The following TANGO2 variants were observed in gnomAD, a reference collection of about 807,000 sequenced individuals.
TANGO2 encodes transport and golgi organization 2 homolog, also known as transport and Golgi organization protein 2 homolog.
A neutral mutation model predicts 39.1 loss-of-function variants in TANGO2; 26 were observed. That is an observed-to-expected ratio of 0.67 (90% confidence interval 0.49 to 0.92). The LOEUF (loss-of-function observed/expected upper bound fraction) is 0.92. Among genes scored for constraint, TANGO2 ranks in the 40% least tolerant of loss-of-function variants. The pLI is 0.00. For synonymous variants in TANGO2, 131 were observed against 144.5 expected (o/e 0.91, Z 0.67); for missense variants, 326 against 360.1 (o/e 0.91, Z 0.77).
chr22:20,052,898 A>G (rs1021214196), intron 4 of TANGO2, among the ~76,000 whole-genome samples: 4 of 152,148 alleles, frequency 2.6e-5, no homozygotes, highest in African/African-American at 9.7e-5. Context: ...CACTGCCGCC[A>G]CTGAGGTGTG....
chr22:20,034,270 C>T (rs2042428470), intron 1 of TANGO2, among the ~76,000 whole-genome samples: 1 of 152,196 alleles, frequency 6.6e-6, no homozygotes, highest in East Asian at 1.9e-4. Context: ...ACTTCCTTTG[C>T]CCTGCAGATG....
chr22:20,017,116 G>A (rs529755062), upstream of TANGO2: 3 of 152,332 alleles, frequency 2.0e-5, no homozygotes, highest in Admixed American at 6.5e-5. Flanking sequence ...ATCCAGCCCC[G>A]AGCAGGGACT....
At chr22:20,052,318 TG>T in intron 3 of TANGO2, 146 bp from the exon 4 acceptor site, 1 of 1,204,510 alleles carries the variant, frequency 8.3e-7, no homozygotes, top group Non-Finnish European at 1.2e-6. Context: ...ATTCCATAGC[TG>T]GGGCTGCTGG....
intron 3 of TANGO2, among the ~76,000 whole-genome samples, chr22:20,044,527 T>C (rs1352575434): frequency 6.7e-6 from 1 of 148,878 alleles, no homozygotes; most frequent in African/African-American, 2.6e-5. Context: ...CCCTGTCTCA[T>C]TCAATCAGTC....
intron 3 of TANGO2, among the ~76,000 whole-genome samples, chr22:20,051,067 G>T (rs1453114496): frequency 6.7e-6 from 1 of 150,310 alleles, no homozygotes; most frequent in African/African-American, 2.4e-5. Context: ...CTCCATGTTG[G>T]TCAGGCTGGT....
In TANGO2 at chr22:20,055,881, G is replaced by A. The variant is rs186878126; in HGVS notation, c.381-62G>A. ...CCAGAAACAGGGCTGTGAGATCACC[G>A]GGCAGTGTCGGGGAGGACGCCCTAT... On this transcript the variant is annotated intron_variant, in intron 5 of 8. Coordinates refer to ENST00000327374, the MANE Select transcript of TANGO2 (RefSeq NM_152906.7). 5.5e-5 allele frequency: 77 copies of A among 1,402,510 alleles called. 1 individual carries two copies. The highest frequency in any genetic ancestry group is 2.5e-4 in the Admixed American group (15 of 59,084). 86.9% of individuals were successfully genotyped at this position (1,402,510 alleles called of 1,614,324 possible). A position where few individuals can be genotyped will look rare whatever the true frequency, so the allele number is the denominator to read the frequency against.
chr22:20,018,818 G>A (rs1945387721), upstream of TANGO2, among the ~76,000 whole-genome samples: 1 of 152,200 alleles, frequency 6.6e-6, no homozygotes, highest in South Asian at 2.1e-4. Context: ...AGTGGCTCAT[G>A]CCTGTAATCC....
At chr22:20,037,000 C>A in intron 2 of TANGO2, 146 bp downstream of exon 2, 8 of 1,596,044 alleles carry the variant, frequency 5.0e-6, no homozygotes, top group Non-Finnish European at 6.8e-6. Flanking sequence ...AGGACAGGGT[C>A]ACTCAGTGTG....
At chr22:20,020,722 C>G (rs1391954768), upstream of TANGO2, among the ~76,000 whole-genome samples, 1 of 152,042 alleles carries the variant, frequency 6.6e-6, no homozygotes, top group African/African-American at 2.4e-5. Context: ...AGGACGCAGT[C>G]TGAGGGGGCC....
rs751098098 is a variant in TANGO2, at chr22:20,061,550, G to A, written c.472G>A (p.Ala158Thr). Reference protein sequence around the residue: ...LTPGTYGLSNALLETPWRKLC... With the variant: ...LTPGTYGLSNTLLETPWRKLC... ...CACAGGCACCTACGGGCTGAGCAAC[G>A]CGCTGCTGGAGACTCCCTGGAGGAA... The change falls in exon 7 of 9, where the codon GCG (alanine) becomes ACG (threonine). Residue 158 changes from alanine (A) to threonine (T), a missense_variant. Coordinates refer to ENST00000327374, the MANE Select transcript of TANGO2 (RefSeq NM_152906.7). 1 of 1,606,556 alleles carries A rather than the reference G, an allele frequency of 6.2e-7. No individual in the cohort carries two copies. Among genetic ancestry groups the A allele is most frequent in the Non-Finnish European group, 8.5e-7 (1 of 1,177,158 alleles).
upstream of TANGO2, among the ~76,000 whole-genome samples, chr22:20,020,096 C>T (rs5746851): frequency 0.4 from 60,507 of 152,162 alleles, 12,546 homozygotes; most frequent in African/African-American, 0.52. Context: ...CAGGTTGAAG[C>T]TAATGTGGCC....
chr22:20,050,247 G>A (rs1233874620), intron 3 of TANGO2, among the ~76,000 whole-genome samples: 1 of 151,638 alleles, frequency 6.6e-6, no homozygotes. Context: ...GAATCTTTCA[G>A]TGAATATGCA....
upstream of TANGO2, chr22:20,020,919 G>GAAGCTTTGGCGCAGCCCC (rs1211333948): frequency 6.6e-6 from 1 of 152,252 alleles, no homozygotes. Flanking sequence ...CGCGCAGCCC[G>GAAGCTTTGGCGCAGCCCC]AAGCTTTGGC....
chr22:20,031,477 C>T (rs2041856594), intron 1 of TANGO2, among the ~76,000 whole-genome samples: 2 of 152,224 alleles, frequency 1.3e-5, no homozygotes, highest in African/African-American at 4.8e-5. Flanking sequence ...ATTTGCCCAC[C>T]TCACAGGCTC....
intron 4 of TANGO2, chr22:20,053,221 A>ATT: frequency 8.5e-6 from 4 of 469,348 alleles, no homozygotes; most frequent in Admixed American, 3.6e-5. Context: ...TAGTGGGGAA[A>ATT]TTTTTTTTTT....
At chr22:20,027,703 G>A (rs1209445104) in intron 1 of TANGO2, among the ~76,000 whole-genome samples, 1 of 152,118 alleles carries the variant, frequency 6.6e-6, no homozygotes, top group African/African-American at 2.4e-5. Flanking sequence ...AAACTCCTGG[G>A]CTCGAGCAAT....
At position 20,052,335 on chromosome 22, in the gene TANGO2, G is replaced by A. The variant is rs889098944; in HGVS notation, c.146-130G>A. On this transcript the variant is annotated intron_variant, in intron 3 of 8. Coordinates refer to ENST00000327374, the MANE Select transcript of TANGO2 (RefSeq NM_152906.7). ...TCCATAGCTGGGGCTGCTGGGCCAA[G>A]CCGCATGTCGAACGTCCTCGAGGAG... 16 of 1,360,346 alleles carry A rather than the reference G, an allele frequency of 1.2e-5. No individual in the cohort carries two copies. In the Admixed American group the frequency reaches 3.2e-4, roughly 27 times the overall value. 84.3% of individuals were successfully genotyped at this position (1,360,346 alleles called of 1,614,324 possible).
chr22:20,041,853 A>C (rs1313736139), intron 2 of TANGO2, among the ~76,000 whole-genome samples: 1 of 151,698 alleles, frequency 6.6e-6, no homozygotes, highest in Non-Finnish European at 1.5e-5. Flanking sequence ...TATGGAAATT[A>C]TTTTTAAACA....
rs115183927 is a variant in TANGO2 at position 20,063,360 on chromosome 22, G to A, written c.628G>A (p.Glu210Lys). ...CAGGCAGCTGCCAGACCCGGCCATCGAGGACCAGGGTGGGGAGTACGTGCA... is the reference window on the plus strand; with the variant it reads ...CAGGCAGCTGCCAGACCCGGCCATCAAGGACCAGGGTGGGGAGTACGTGCA... ...EEAQLPDPAI[E>K]DQGGEYVQPM... Residue 210 changes from glutamate to lysine, a missense_variant, in exon 8 of 9, where the codon GAG (glutamate) becomes AAG (lysine). By Grantham distance (56) the Glu-to-Lys change is moderately conservative (BLOSUM62 1). Coordinates refer to ENST00000327374, the MANE Select transcript of TANGO2 (RefSeq NM_152906.7). The A allele has an allele frequency of 1.8e-3, 2,904 of 1,613,418 alleles. 51 individuals carry two copies. In the African/African-American group the frequency reaches 0.034, roughly 19 times the overall value.
Sources: gnomAD v4.1 joint callset for allele counts (sites outside exome capture counted in the v4.1 genomes callset) on GRCh38, gnomAD v4.1.1 for gene constraint, MANE v1.5 for transcripts, NCBI Gene and HGNC (gene_info 2026-07-23, HGNC 2026-07-21) for gene names.